Variants in EML1 observed in about 807,000 individuals in gnomAD.
EML1 encodes EMAP like 1.
A neutral mutation model predicts 110.4 loss-of-function variants in EML1; 27 were observed. That is an observed-to-expected ratio of 0.24 (90% CI 0.18 to 0.34). The LOEUF (loss-of-function observed/expected upper bound fraction) is 0.34, where lower values mean the gene tolerates loss of function less well. EML1 is among the 10% of genes least tolerant of loss of function. The pLI, the probability that EML1 is intolerant of heterozygous loss-of-function variation, is 1.00. For missense variants in EML1, 741 were observed against 1,030.9 expected, an observed-to-expected ratio of 0.72 and a Z score of 3.85; for synonymous variants, 344 against 385.8, an observed-to-expected ratio of 0.89 and a Z score of 1.27.
intron 1 of EML1, among the ~76,000 whole-genome samples, chr14:99,849,038 G>A (rs2058748578): frequency 1.3e-5 from 2 of 151,928 alleles, no homozygotes; most frequent in South Asian, 4.2e-4. Flanking sequence ...TCTTTGAACT[G>A]ATGCAGGTAT....
At chr14:99,767,034 AC>A (rs2057374988) in intron 1 of EML1, among the ~76,000 whole-genome samples, 1 of 152,068 alleles carries the variant, frequency 6.6e-6, no homozygotes, top group Non-Finnish European at 1.5e-5. Flanking sequence ...TAATTCCCCC[AC>A]CGCATAATAT....
chr14:99,914,840 C>A, intron 15 of EML1, 143 bp downstream of exon 15: 2 of 1,086,812 alleles, frequency 1.8e-6, no homozygotes, highest in Admixed American at 3.2e-5. Flanking sequence ...CTTAACATTG[C>A]AATTGCATTT....
chr14:99,882,019 A>G (rs2059393721), intron 4 of EML1, among the ~76,000 whole-genome samples: 1 of 152,068 alleles, frequency 6.6e-6, no homozygotes, highest in Non-Finnish European at 1.5e-5. Flanking sequence ...AGAATGTTTA[A>G]TTTTTTCAAA....
intron 1 of EML1, among the ~76,000 whole-genome samples, chr14:99,828,074 C>T (rs1320679022): frequency 2.0e-5 from 3 of 152,126 alleles, no homozygotes; most frequent in African/African-American, 7.2e-5. Context: ...TGATTCTAGT[C>T]ATGTATGTGT....
chr14:99,807,672 T>C (rs1203171704), intron 1 of EML1, among the ~76,000 whole-genome samples: 2 of 151,938 alleles, frequency 1.3e-5, no homozygotes, highest in East Asian at 3.9e-4. Context: ...CCTCCCTCCT[T>C]CCCCTCCACT....
At chr14:99,880,224 C>T (rs2059362365) in intron 4 of EML1, among the ~76,000 whole-genome samples, 1 of 152,168 alleles carries the variant, frequency 6.6e-6, no homozygotes, top group Non-Finnish European at 1.5e-5. Flanking sequence ...GAGTTTCATG[C>T]ATCATGCACT....
chr14:99,783,861 C>T (rs961647199), intron 1 of EML1, among the ~76,000 whole-genome samples: 4 of 152,132 alleles, frequency 2.6e-5, no homozygotes, highest in African/African-American at 9.7e-5. Flanking sequence ...TGAGTGGTTG[C>T]CCTAATATTA....
chr14:99,833,291 G>A (rs1037179755), intron 1 of EML1, among the ~76,000 whole-genome samples: 1 of 152,104 alleles, frequency 6.6e-6, no homozygotes, highest in Non-Finnish European at 1.5e-5. Flanking sequence ...AATTGCCTTT[G>A]TACTTTTGTT....
chr14:99,834,823 T>TTTTTG (rs2058513169), intron 1 of EML1, among the ~76,000 whole-genome samples: 2 of 152,236 alleles, frequency 1.3e-5, no homozygotes, highest in East Asian at 3.9e-4. Flanking sequence ...TTTGTTTTTG[T>TTTTTG]TTTTGTTTTG....
rs905494898 is a variant in EML1 at position 99,767,922 on chromosome 14, A to G, written c.28+30062A>G. ...TATATTTATTCTGAACACCCCCCAC[A>G]CTACTTTGCTGAGCACACAACTATA... On this transcript the variant is annotated intron_variant, in intron 1 of 10. Coordinates refer to the EML1 transcript ENST00000554479. 1.1e-4 allele frequency among the ~76,000 whole-genome samples: 17 copies of G among 151,982 alleles called. No individual in the cohort carries two copies. In the South Asian group the frequency reaches 2.3e-3, roughly 20 times the overall value.
At chr14:99,829,311 T>C (rs1427953176) in intron 1 of EML1, among the ~76,000 whole-genome samples, 3 of 152,180 alleles carry the variant, frequency 2.0e-5, no homozygotes, top group Admixed American at 6.5e-5. Flanking sequence ...TGCACTCTCA[T>C]GAGTGACAGC....
At chr14:99,865,782 T>A (rs1310314494) in intron 3 of EML1, 136 bp downstream of exon 3, 115 of 1,134,038 alleles carry the variant, frequency 1.0e-4, no homozygotes, top group Non-Finnish European at 1.3e-4. Context: ...ACATTTTATA[T>A]GGTGCCATAA....
At chr14:99,745,026 T>C (rs2057089244) in intron 1 of EML1, among the ~76,000 whole-genome samples, 1 of 152,188 alleles carries the variant, frequency 6.6e-6, no homozygotes, top group Non-Finnish European at 1.5e-5. Context: ...TATGACACCA[T>C]TAAAGAGAAG....
At chr14:99,788,469 C>T (rs2057624390), upstream of EML1, among the ~76,000 whole-genome samples, 1 of 152,096 alleles carries the variant, frequency 6.6e-6, no homozygotes, top group Non-Finnish European at 1.5e-5. Flanking sequence ...AACAGCCAGG[C>T]ATGGTGGTGT....
chr14:99,792,800 C>T (rs1461160497), upstream of EML1: 2 of 152,344 alleles, frequency 1.3e-5, no homozygotes, highest in African/African-American at 4.8e-5. Flanking sequence ...CGTGCTAAGT[C>T]TCACTGAGGC....
At chr14:99,841,271 G>A (rs534700155) in intron 1 of EML1, among the ~76,000 whole-genome samples, 14 of 152,294 alleles carry the variant, frequency 9.2e-5, no homozygotes, top group African/African-American at 3.1e-4. Flanking sequence ...ATTGTTAATC[G>A]TTGATTTCAC....
chr14:99,939,873 C>T lies in EML1; in HGVS notation c.2323-114C>T, dbSNP rs1409760810. The T allele has an allele frequency of 5.2e-6, 7 of 1,336,812 alleles. No individual in the cohort carries two copies. The highest frequency in any genetic ancestry group is 3.5e-5 in the South Asian group (2 of 57,238). The allele number at this position is 1,336,812 out of a possible 1,614,324, so 82.8% of individuals were successfully genotyped here. A position where few individuals can be genotyped will look rare whatever the true frequency, so the allele number is the denominator to read the frequency against. ...GAGCAGGTTCCCAAGTGAGAGCTGC[C>T]GAGCGGAGGGCGAGTAAAGGAATTA... On this transcript the variant is annotated intron_variant, in intron 21 of 21. Coordinates refer to ENST00000262233, the MANE Select transcript of EML1 (RefSeq NM_004434.3). The surrounding 1 kb of genome is among the most constrained non-coding windows in gnomAD (Gnocchi z 4.2).
At chr14:99,918,159 A>C (rs1157440390) in intron 16 of EML1, among the ~76,000 whole-genome samples, 1 of 152,176 alleles carries the variant, frequency 6.6e-6, no homozygotes, top group Non-Finnish European at 1.5e-5. Flanking sequence ...ACTGAAGTGC[A>C]GTGGCACAAT....
At chr14:99,898,194 C>G (rs1217952830) in intron 7 of EML1, 39 bp from the exon 8 acceptor site, 1 of 1,520,308 alleles carries the variant, frequency 6.6e-7, no homozygotes, top group South Asian at 1.3e-5. Flanking sequence ...TAAAACTTAC[C>G]TGCAACATGT....
Sources: allele counts gnomAD v4.1 joint callset (sites outside exome capture counted in the v4.1 genomes callset), GRCh38; gene constraint gnomAD v4.1.1; non-coding constraint Gnocchi (gnomAD v3.1); transcripts MANE v1.5; gene names NCBI Gene and HGNC (gene_info 2026-07-23, HGNC 2026-07-21).